Variants in TMEM135 observed in about 807,000 individuals in gnomAD.
TMEM135 encodes transmembrane protein 135, also known as peroxisomal membrane protein 52.
In TMEM135, 30 loss-of-function variants were observed where a neutral mutation model predicts 60.3. The ratio of observed to expected loss-of-function variants is 0.50; its 90% CI spans 0.37 to 0.68. The LOEUF (loss-of-function observed/expected upper bound fraction) is 0.68, where lower values mean the gene tolerates loss of function less well. Ranked by LOEUF, TMEM135 falls within the 30% of genes least tolerant of loss-of-function variation. The pLI, the probability that TMEM135 is intolerant of heterozygous loss-of-function variation, is 0.00. For missense variants in TMEM135, 468 were observed against 548.8 expected (o/e 0.85, Z 1.47); for synonymous variants, 190 against 186.7 (o/e 1.02, Z -0.14).
chr11:87,082,773 C>T (rs1343815827), intron 3 of TMEM135, among the ~76,000 whole-genome samples: 1 of 152,090 alleles, frequency 6.6e-6, no homozygotes, highest in Non-Finnish European at 1.5e-5. Context: ...CAGCAATATA[C>T]GAGAAAGAGT....
chr11:87,112,400 T>C (rs1411660402), intron 4 of TMEM135, among the ~76,000 whole-genome samples: 2 of 152,158 alleles, frequency 1.3e-5, no homozygotes, highest in Non-Finnish European at 2.9e-5. Context: ...TCTGTAGCTC[T>C]CTGGTCATCA....
At chr11:87,125,543 G>A (rs1455367863) in intron 4 of TMEM135, among the ~76,000 whole-genome samples, 1 of 152,176 alleles carries the variant, frequency 6.6e-6, no homozygotes, top group African/African-American at 2.4e-5. Context: ...TATAGCTAAG[G>A]AGTCTGTTAT....
intron 5 of TMEM135, among the ~76,000 whole-genome samples, chr11:87,209,244 G>C (rs529696851): frequency 6.6e-6 from 1 of 152,138 alleles, no homozygotes; most frequent in South Asian, 2.1e-4. Flanking sequence ...CCACTAAAAG[G>C]CATACAGGGG....
chr11:87,257,150 T>C (rs1315657663), intron 6 of TMEM135, among the ~76,000 whole-genome samples: 1 of 152,208 alleles, frequency 6.6e-6, no homozygotes, highest in Non-Finnish European at 1.5e-5. Flanking sequence ...GAATCCTCTT[T>C]TGCATGCTGT....
chr11:87,266,768 G>A (rs1447570349), intron 6 of TMEM135, among the ~76,000 whole-genome samples: 1 of 152,066 alleles, frequency 6.6e-6, no homozygotes, highest in Admixed American at 6.5e-5. Context: ...AAGGATAGAG[G>A]GTCAAAGGCC....
chr11:87,189,902 C>G (rs1004940699), intron 5 of TMEM135, among the ~76,000 whole-genome samples: 4 of 151,674 alleles, frequency 2.6e-5, no homozygotes, highest in African/African-American at 9.7e-5. Context: ...GGTGACAGAG[C>G]AAGATCCTGT....
chr11:87,071,349 A>G (rs145685990), intron 2 of TMEM135, among the ~76,000 whole-genome samples, 174 bp from the exon 3 acceptor site: 2 of 152,270 alleles, frequency 1.3e-5, no homozygotes, highest in East Asian at 1.9e-4. Context: ...GAGGAGAGAG[A>G]ACAAGTTCAT....
chr11:87,328,588 T>A lies in TMEM135; in HGVS notation c.*7255T>A. On this transcript the variant is annotated 3_prime_UTR_variant, in exon 15 of 15. Transcript: ENST00000305494. ...TAGCTCCCACTTACAGTTGAGAACA[T>A]ACAGAATTTGATTTTCTATTCCGGA... 2.2e-6 allele frequency: 1 copy of A among 454,082 alleles called. No homozygotes were observed. The highest frequency in any genetic ancestry group is 1.6e-5 in the South Asian group (1 of 64,470). The allele number at this position is 454,082 out of a possible 1,614,324, so 28.1% of individuals were successfully genotyped here.
At chr11:87,182,675 C>T (rs950543856) in intron 5 of TMEM135, among the ~76,000 whole-genome samples, 1 of 151,956 alleles carries the variant, frequency 6.6e-6, no homozygotes, top group Non-Finnish European at 1.5e-5. Context: ...GATCAGATTT[C>T]CTTTATGAAA....
At chr11:87,301,336 C>T (rs956582169) in intron 7 of TMEM135, among the ~76,000 whole-genome samples, 1 of 152,056 alleles carries the variant, frequency 6.6e-6, no homozygotes, top group Admixed American at 6.6e-5. Context: ...CCACTGTAGC[C>T]TTTAATTCCT....
intron 1 of TMEM135, among the ~76,000 whole-genome samples, chr11:87,065,242 T>C (rs1271565351): frequency 6.6e-6 from 1 of 152,202 alleles, no homozygotes; most frequent in Non-Finnish European, 1.5e-5. Context: ...TAATAGTTGA[T>C]TGTTTAATTT....
intron 4 of TMEM135, among the ~76,000 whole-genome samples, chr11:87,111,624 C>G (rs1446005506): frequency 3.5e-5 from 5 of 142,332 alleles, no homozygotes; most frequent in Non-Finnish European, 7.5e-5. Flanking sequence ...GCACTCCAGC[C>G]TGGGCGACTG....
chr11:87,151,144 C>CT (rs1765788844), intron 4 of TMEM135, among the ~76,000 whole-genome samples: 1 of 152,132 alleles, frequency 6.6e-6, no homozygotes, highest in Admixed American at 6.5e-5. Flanking sequence ...AATCACTGTG[C>CT]TGAGTATGAG....
rs906958250 is a variant in TMEM135 at position 87,326,350 on chromosome 11, C to T, written c.*5017C>T. 4 of 453,974 alleles carry T rather than the reference C, an allele frequency of 8.8e-6. No individual in the cohort carries two copies. The highest frequency in any genetic ancestry group is 8.0e-5 in the African/African-American group (4 of 50,004). 28.1% of individuals were successfully genotyped at this position (453,974 alleles called of 1,614,324 possible). ...TGAGGTCACCCTGCATTACTACTTT[C>T]CTCCATCCCTGAACTAGGACCAGTT... On this transcript the variant is annotated 3_prime_UTR_variant, in exon 15 of 15. Coordinates refer to ENST00000305494, the MANE Select transcript of TMEM135 (RefSeq NM_022918.4).
intron 4 of TMEM135, among the ~76,000 whole-genome samples, chr11:87,141,973 G>C (rs582415): frequency 0.35 from 52,727 of 152,040 alleles, 9,559 homozygotes; most frequent in East Asian, 0.61. Context: ...GAATCTGAGG[G>C]ATCTAGCAGT....
chr11:87,046,142 A>G (rs1030019034), intron 1 of TMEM135, among the ~76,000 whole-genome samples: 1 of 152,234 alleles, frequency 6.6e-6, no homozygotes, highest in African/African-American at 2.4e-5. Context: ...ATGGTGGCTC[A>G]TGCCTGTAAT....
At chr11:87,195,092 T>C (rs1939903716) in intron 5 of TMEM135, among the ~76,000 whole-genome samples, 1 of 152,222 alleles carries the variant, frequency 6.6e-6, no homozygotes, top group Non-Finnish European at 1.5e-5. Context: ...TGAAGGAAGC[T>C]TATTAAAATC....
chr11:87,045,714 A>AT (rs1949789993), intron 1 of TMEM135, among the ~76,000 whole-genome samples: 1 of 152,188 alleles, frequency 6.6e-6, no homozygotes, highest in South Asian at 2.1e-4. Context: ...CCTTTTATTC[A>AT]TTTTTTAGAA....
At chr11:87,295,644 C>T in intron 6 of TMEM135, 138 bp from the exon 7 acceptor site, 1 of 641,890 alleles carries the variant, frequency 1.6e-6, no homozygotes, top group Non-Finnish European at 2.7e-6. Flanking sequence ...TTGCTTGTTG[C>T]TCTTTTGACC....
Sources: gnomAD v4.1 joint callset for allele counts (sites outside exome capture counted in the v4.1 genomes callset) on GRCh38, gnomAD v4.1.1 for gene constraint, MANE v1.5 for transcripts, NCBI Gene and HGNC (gene_info 2026-07-23, HGNC 2026-07-21) for gene names.